Variants in MAPT observed in about 807,000 individuals in gnomAD.
MAPT encodes microtubule-associated protein tau.
MAPT carries 34 observed loss-of-function variants against 67.9 expected under a neutral mutation model. The observed-to-expected ratio is 0.50, with a 90% CI of 0.38 to 0.67. The LOEUF is 0.67. Among genes scored for constraint, MAPT ranks in the 30% least tolerant of loss-of-function variants. MAPT has a pLI of 0.00. For synonymous variants in MAPT, 456 were observed against 464.5 expected (o/e 0.98, Z 0.23); for missense variants, 881 against 1,115.2 (o/e 0.79, Z 2.99).
intron 1 of MAPT, among the ~76,000 whole-genome samples, chr17:45,950,586 T>G (rs763330930): frequency 4.6e-5 from 7 of 152,132 alleles, no homozygotes; most frequent in Non-Finnish European, 8.8e-5. Context: ...CCACCCCATC[T>G]CCATTGTTGT....
At chr17:45,965,811 C>T (rs777582532) in intron 2 of MAPT, among the ~76,000 whole-genome samples, 7 of 152,200 alleles carry the variant, frequency 4.6e-5, no homozygotes, top group Non-Finnish European at 1.0e-4. Flanking sequence ...AAGGGATCTA[C>T]CTCAGAATGC....
At chr17:45,987,893 G>T (rs936818911) in intron 6 of MAPT, among the ~76,000 whole-genome samples, 2 of 152,328 alleles carry the variant, frequency 1.3e-5, no homozygotes, top group East Asian at 1.9e-4. Flanking sequence ...TGCACATTTA[G>T]TGCTGGGGGC....
Position 46,011,490 on chromosome 17 carries a change from G to A in MAPT, c.2091+1088G>A, listed in dbSNP as rs148512392. On this transcript the variant is annotated intron_variant, in intron 10 of 12. Transcript: ENST00000262410. ...TGCATCTTCTGTGGAGTGTCTCCGT[G>A]AGATTCGGGACTCAGATCCTCAAGT... 3.2e-3 allele frequency among the ~76,000 whole-genome samples: 494 copies of A among 152,248 alleles called. 2 individuals are homozygous for A. The highest frequency in any genetic ancestry group is 0.011 in the African/African-American group (443 of 41,526).
chr17:46,016,390 CAAA>C (rs1263862033), intron 11 of MAPT, among the ~76,000 whole-genome samples: 4 of 101,076 alleles, frequency 4.0e-5, no homozygotes, highest in Non-Finnish European at 4.3e-5. Context: ...GACTCCGTCT[CAAA>C]AAAAAAAAAA....
Position 45,983,932 on chromosome 17 carries a change from T to C in MAPT, c.1351+2T>C. On this transcript the variant is annotated splice_donor_variant, in intron 5 of 12. Transcript: ENST00000262410. LOFTEE classifies it high-confidence loss of function. ...TCAGCCGGGTCCCTCAACTCAAAGG[T>C]CTGTGTCTTGAGCTTCTTCGCTCCT... is the stretch of plus-strand genomic sequence containing the variant. 6.4e-7 allele frequency: 1 copy of C among 1,554,846 alleles called. No individual in the cohort carries two copies. Among genetic ancestry groups the C allele is most frequent in the Non-Finnish European group, 8.7e-7 (1 of 1,155,854 alleles).
intron 12 of MAPT, 70 bp from the exon 13 acceptor site, chr17:46,023,886 C>T (rs1443362979): frequency 7.5e-7 from 1 of 1,332,870 alleles, no homozygotes; most frequent in Admixed American, 1.7e-5. Context: ...CCAGGCCTGG[C>T]AGGGCAGTTG....
At position 45,989,871 on chromosome 17, in the gene MAPT, G is replaced by A; in HGVS notation, c.1408-7G>A. On this transcript the variant is annotated splice_region_variant and splice_polypyrimidine_tract_variant and intron_variant, in intron 6 of 12. Transcript: ENST00000262410. ...TTATTTTGATTTTATTTATGTTTATGTTTAAGACATCCACACGTTCCTCTG... is the reference window on the plus strand; with the variant it reads ...TTATTTTGATTTTATTTATGTTTATATTTAAGACATCCACACGTTCCTCTG... The A allele has an allele frequency of 3.7e-6, 6 of 1,613,084 alleles. No homozygotes were observed. Among genetic ancestry groups the A allele is most frequent in the Non-Finnish European group, 5.1e-6 (6 of 1,179,182 alleles).
At chr17:46,006,871 C>A (rs140993630) in intron 9 of MAPT, among the ~76,000 whole-genome samples, 1 of 150,634 alleles carries the variant, frequency 6.6e-6, no homozygotes, top group African/African-American at 2.4e-5. Flanking sequence ...TGCAGTGAGC[C>A]GAGATCGCGC....
intron 9 of MAPT, among the ~76,000 whole-genome samples, chr17:46,005,361 T>C (rs1453360513): frequency 6.6e-6 from 1 of 152,228 alleles, no homozygotes; most frequent in Non-Finnish European, 1.5e-5. Flanking sequence ...CTTTACATTT[T>C]CCTGCTTTAT....
intron 10 of MAPT, among the ~76,000 whole-genome samples, chr17:46,013,870 T>C (rs1236834746): frequency 6.6e-6 from 1 of 152,244 alleles, no homozygotes; most frequent in East Asian, 1.9e-4. Context: ...GTCAATTTCA[T>C]GTCAGGAAAG....
intron 1 of MAPT, among the ~76,000 whole-genome samples, chr17:45,952,517 G>T (rs2069186059): frequency 6.6e-6 from 1 of 152,162 alleles, no homozygotes; most frequent in African/African-American, 2.4e-5. Context: ...GGGTGCTGTG[G>T]CTCACACCTG....
At position 45,983,919 on chromosome 17, in the gene MAPT, C is replaced by T. The variant is rs1343667324; in HGVS notation, c.1340C>T (p.Pro447Leu). 6.4e-7 allele frequency: 1 copy of T among 1,569,718 alleles called. No individual in the cohort carries two copies. The highest frequency in any genetic ancestry group is 8.6e-7 in the Non-Finnish European group (1 of 1,162,408). ...APRGKPVSRVPQLKARMVSKS... is the reference protein window; with the variant it reads ...APRGKPVSRVLQLKARMVSKS... The stretch of plus-strand genomic sequence containing the variant: ...CGGGGGAAGCCCGTCAGCCGGGTCC[C>T]TCAACTCAAAGGTCTGTGTCTTGAG... The change falls in exon 5 of 13, where the codon CCT becomes CTT. Residue 447 changes from proline to leucine, a missense_variant. Pro to Leu is a moderately conservative substitution (Grantham distance 98). Transcript: ENST00000262410.
rs1568207886 is a variant in MAPT at position 45,941,698 on chromosome 17, CCTGCCTGCCT to C, written c.-17-20622_-17-20613del. 1.7e-3 allele frequency among the ~76,000 whole-genome samples: 98 copies of C among 57,804 alleles called. 10 individuals are homozygous for C. The highest frequency in any genetic ancestry group is 9.6e-3 in the South Asian group (13 of 1,354). The allele number at this position is 57,804 out of a possible 152,430, so 37.9% of individuals were successfully genotyped here. A position where few individuals can be genotyped will look rare whatever the true frequency, so the allele number is the denominator to read the frequency against. On this transcript the variant is annotated intron_variant, in intron 1 of 12. Transcript: ENST00000262410. ...CCCTTCCCTCCTTCCTTCCTTCCTT[CCTGCCTGCCT>C]TCCTTCCTTCCTTCCTTCCTTCCTT...
chr17:45,900,754 A>G (rs62056796), intron 1 of MAPT, among the ~76,000 whole-genome samples: 21,830 of 152,196 alleles, frequency 0.14, 2,140 homozygotes, highest in Middle Eastern at 0.22. Flanking sequence ...CTGGGCACAA[A>G]TCCCAGCTCC....
intron 1 of MAPT, among the ~76,000 whole-genome samples, chr17:45,907,416 C>T (rs868575635): frequency 6.6e-6 from 1 of 152,196 alleles, no homozygotes; most frequent in Admixed American, 6.5e-5. Flanking sequence ...TTCTTGCCCC[C>T]GCTTCCTGTG....
intron 1 of MAPT, among the ~76,000 whole-genome samples, chr17:45,950,466 G>A (rs1334414020): frequency 1.4e-5 from 2 of 146,868 alleles, no homozygotes; most frequent in Admixed American, 6.9e-5. Flanking sequence ...AGGGGTTCTT[G>A]GAGGCCCCAG....
intron 1 of MAPT, among the ~76,000 whole-genome samples, chr17:45,948,533 G>T (rs1218967002): frequency 1.3e-5 from 2 of 152,188 alleles, no homozygotes; most frequent in Non-Finnish European, 2.9e-5. Context: ...TGTTGGGCCA[G>T]CCCTTATATT....
At chr17:45,951,603 A>G (rs1255229625) in intron 1 of MAPT, among the ~76,000 whole-genome samples, 1 of 151,770 alleles carries the variant, frequency 6.6e-6, no homozygotes, top group Non-Finnish European at 1.5e-5. Flanking sequence ...CCGTGTCTCC[A>G]GTGTCTCCCT....
At chr17:45,905,482 G>A (rs1454118927) in intron 1 of MAPT, among the ~76,000 whole-genome samples, 2 of 152,212 alleles carry the variant, frequency 1.3e-5, no homozygotes, top group East Asian at 3.9e-4. Context: ...TGGCTGATGA[G>A]AAATGCAAGA....
Sources: allele counts gnomAD v4.1 joint callset (sites outside exome capture counted in the v4.1 genomes callset), GRCh38; gene constraint gnomAD v4.1.1; transcripts MANE v1.5; gene names NCBI Gene and HGNC (gene_info 2026-07-23, HGNC 2026-07-21).